The following CCND3 variants were observed in gnomAD, a reference collection of about 807,000 sequenced individuals.
CCND3 encodes the protein cyclin D3.
In CCND3, 9 loss-of-function variants were observed where a neutral mutation model predicts 28.7. The observed-to-expected ratio is 0.31, with a 90% CI of 0.19 to 0.55. The LOEUF (loss-of-function observed/expected upper bound fraction) is 0.55. Ranked by LOEUF, CCND3 falls within the 20% of genes least tolerant of loss-of-function variation. The pLI, the probability that CCND3 is intolerant of heterozygous loss-of-function variation, is 0.93. For synonymous variants in CCND3, 164 were observed against 163.9 expected (o/e 1.00, Z 0.00); for missense variants, 315 against 385.8 (o/e 0.82, Z 1.54).
intron 1 of CCND3, among the ~76,000 whole-genome samples, chr6:41,949,962 G>A (rs1269485588): frequency 2.6e-5 from 4 of 151,578 alleles, no homozygotes; most frequent in Admixed American, 6.6e-5. Flanking sequence ...AAATAGCCAG[G>A]TGTGGTGGCG....
In CCND3 at chr6:41,941,172, C is replaced by T; in HGVS notation, c.198+280G>A. The stretch of plus-strand genomic sequence containing the variant: ...GGGAAGCGGGAGACGCTGTGAGAAG[C>T]CGAAGGGGAGAGAGTGTCCTTGGTC... On this transcript the variant is annotated intron_variant, in intron 1 of 4. Coordinates refer to ENST00000372991, the MANE Select transcript of CCND3 (RefSeq NM_001760.5). The surrounding 1 kb of genome is among the most constrained non-coding windows in gnomAD (Gnocchi z 6.1). 1 of 1,451,248 alleles carries T rather than the reference C, an allele frequency of 6.9e-7. No homozygotes were observed. Among genetic ancestry groups the T allele is most frequent in the Non-Finnish European group, 9.0e-7 (1 of 1,107,328 alleles). 89.9% of individuals were successfully genotyped at this position (1,451,248 alleles called of 1,614,324 possible).
At chr6:41,940,612 G>A (rs763897522) in intron 1 of CCND3, 27 bp from the exon 2 acceptor site, 2 of 1,568,970 alleles carry the variant, frequency 1.3e-6, no homozygotes, top group East Asian at 2.2e-5. Flanking sequence ...AGTCACTGCT[G>A]GGTCTGGAGC....
At chr6:41,964,318 C>A (rs1162939153) in intron 1 of CCND3, among the ~76,000 whole-genome samples, 1 of 148,636 alleles carries the variant, frequency 6.7e-6, no homozygotes, top group Admixed American at 6.7e-5. Flanking sequence ...GTGTGTGAGT[C>A]TGTGTGTGTG....
At chr6:41,992,051 A>G (rs546855707) in intron 1 of CCND3, among the ~76,000 whole-genome samples, 107 of 152,320 alleles carry the variant, frequency 7.0e-4, no homozygotes, top group African/African-American at 2.5e-3. Flanking sequence ...GCTGCAATAA[A>G]TACGGAGGTG....
chr6:42,024,334 C>T (rs572800371), intron 1 of CCND3, among the ~76,000 whole-genome samples: 7 of 149,332 alleles, frequency 4.7e-5, no homozygotes, highest in African/African-American at 1.5e-4. Flanking sequence ...ACCCAGGAGG[C>T]GGAGCTTGTA....
At chr6:42,031,435 T>G (rs1355327552) in intron 1 of CCND3, 2 of 152,310 alleles carry the variant, frequency 1.3e-5, no homozygotes, top group Non-Finnish European at 2.9e-5. Context: ...GGCTGTGACC[T>G]CACAGGGTAC....
intron 1 of CCND3, among the ~76,000 whole-genome samples, chr6:41,961,625 C>T (rs187346828): frequency 3.8e-4 from 58 of 152,092 alleles, no homozygotes; most frequent in Middle Eastern, 3.4e-3. Context: ...GTTAGCCTTC[C>T]GAACTGCTCC....
At chr6:41,951,456 G>C (rs945420476) in intron 1 of CCND3, among the ~76,000 whole-genome samples, 2 of 144,562 alleles carry the variant, frequency 1.4e-5, no homozygotes, top group African/African-American at 5.2e-5. Context: ...CAGCTACTCG[G>C]GAGGCTGAGG....
chr6:41,994,801 C>T (rs562972494), intron 1 of CCND3, among the ~76,000 whole-genome samples: 2 of 152,190 alleles, frequency 1.3e-5, no homozygotes, highest in South Asian at 2.1e-4. Flanking sequence ...AGGCCGGGCG[C>T]GGTGGCTTAT....
chr6:41,941,458 C>A lies in CCND3; in HGVS notation c.192G>T (p.Met64Ile). The A allele has an allele frequency of 6.2e-7, 1 of 1,608,568 alleles. No homozygotes were observed. Among genetic ancestry groups the A allele is most frequent in the Non-Finnish European group, 8.5e-7 (1 of 1,178,838 alleles). The change falls in exon 1 of 5, where the codon ATG (methionine) becomes ATT (isoleucine). Residue 64 changes from methionine (M) to isoleucine (I), a missense_variant. Physicochemically the swap from Met to Ile is conservative, Grantham distance 10. Transcript: ENST00000372991. This position sits in a 1 kb window ranked among gnomAD's most constrained non-coding sequence, Gnocchi z 6.1. ...GGACGCGTCCGGGCGGTACCTCCAG[C>A]ATCCAGTAAGCCAGCATCTTCCGCA... ...PHMRKMLAYW[M>I]LEVCEEQRCE...
chr6:41,946,039 C>T (rs183954190), upstream of CCND3, among the ~76,000 whole-genome samples: 8 of 152,274 alleles, frequency 5.3e-5, no homozygotes, highest in Admixed American at 3.9e-4. Context: ...TAACGGTAAA[C>T]GCATGGTCTA....
chr6:42,049,030 CTTCTTT>C (rs149265841), upstream of CCND3: 115 of 166,686 alleles, frequency 6.9e-4, no homozygotes, highest in East Asian at 0.019. Context: ...TGAGGAGCGA[CTTCTTT>C]TTCTTTTTCT....
intron 1 of CCND3, among the ~76,000 whole-genome samples, chr6:41,987,213 CACTTTA>C (rs539282947): frequency 2.7e-4 from 41 of 152,096 alleles, no homozygotes; most frequent in African/African-American, 8.2e-4. Flanking sequence ...TTGAGCTCCT[CACTTTA>C]ACTTTAACTC....
chr6:41,946,905 C>CA (rs1215826539), intron 1 of CCND3, among the ~76,000 whole-genome samples: 2 of 150,926 alleles, frequency 1.3e-5, no homozygotes, highest in African/African-American at 4.9e-5. Flanking sequence ...GCCAACATGG[C>CA]AAAACCCCAT....
chr6:41,943,919 C>T (rs2127396861), upstream of CCND3, among the ~76,000 whole-genome samples: 1 of 152,240 alleles, frequency 6.6e-6, no homozygotes, highest in East Asian at 1.9e-4. Flanking sequence ...CTTATAAGTT[C>T]TCATCACCTC....
intron 1 of CCND3, among the ~76,000 whole-genome samples, chr6:41,957,672 T>C (rs1244358743): frequency 2.6e-5 from 4 of 152,196 alleles, no homozygotes; most frequent in Non-Finnish European, 5.9e-5. Flanking sequence ...CACATCTTTG[T>C]AGTTCCAAAG....
At chr6:41,961,999 T>C (rs879871358) in intron 1 of CCND3, among the ~76,000 whole-genome samples, 1 of 152,188 alleles carries the variant, frequency 6.6e-6, no homozygotes, top group Non-Finnish European at 1.5e-5. Context: ...GTCCTTCCAC[T>C]CAGTGCTCAG....
At chr6:42,028,856 C>T (rs780235344) in intron 1 of CCND3, among the ~76,000 whole-genome samples, 4 of 152,206 alleles carry the variant, frequency 2.6e-5, no homozygotes, top group Middle Eastern at 3.2e-3. Context: ...AATACACGTT[C>T]GTGTTCGCTA....
intron 1 of CCND3, among the ~76,000 whole-genome samples, chr6:41,979,887 C>T (rs941740699): frequency 2.6e-5 from 4 of 151,922 alleles, no homozygotes; most frequent in Non-Finnish European, 5.9e-5. Flanking sequence ...CCCCCTGCCT[C>T]GGCCCCCTAG....
Sources: gnomAD v4.1 joint callset for allele counts (sites outside exome capture counted in the v4.1 genomes callset) on GRCh38, gnomAD v4.1.1 for gene constraint, Gnocchi (gnomAD v3.1) non-coding constraint, MANE v1.5 for transcripts, NCBI Gene and HGNC (gene_info 2026-07-23, HGNC 2026-07-21) for gene names.